Variants in NECAB1 observed in about 807,000 individuals in gnomAD.
NECAB1 encodes the protein N-terminal EF-hand calcium-binding protein 1.
Under a neutral mutation model 57.5 loss-of-function variants are expected in NECAB1, and 29 were observed. The ratio of observed to expected loss-of-function variants is 0.50; its 90% confidence interval spans 0.38 to 0.69. NECAB1 has a LOEUF of 0.69. NECAB1 is among the 30% of genes least tolerant of loss of function. The pLI, the probability that NECAB1 is intolerant of heterozygous loss-of-function variation, is 0.00. For missense variants in NECAB1, 372 were observed against 413.8 expected, an observed-to-expected ratio of 0.90 and a Z score of 0.88; for synonymous variants, 142 against 147.7, an observed-to-expected ratio of 0.96 and a Z score of 0.28.
At chr8:90,872,426 A>G in intron 4 of NECAB1, 1 of 313,130 alleles carries the variant, frequency 3.2e-6, no homozygotes, top group African/African-American at 2.2e-5. Context: ...ATTCTCCACA[A>G]GTTTGAATAT....
chr8:90,818,291 T>G (rs1432738465), intron 2 of NECAB1, among the ~76,000 whole-genome samples: 1 of 151,982 alleles, frequency 6.6e-6, no homozygotes, highest in African/African-American at 2.4e-5. Context: ...TTCATTGATT[T>G]CTGCCCTAAT....
At chr8:90,907,131 TGTGTGTGTGTGTGTGTGTGTGAGA>T (rs1253765312) in intron 5 of NECAB1, among the ~76,000 whole-genome samples, 6 of 92,830 alleles carry the variant, frequency 6.5e-5, no homozygotes, top group African/African-American at 3.3e-4. Flanking sequence ...TTTGTGTGTG[TGTGTGTGTGTGTGTGTGTGTGAGA>T]GAGAGAGAGA....
At chr8:90,949,918 C>A in intron 11 of NECAB1, 34 bp downstream of exon 11, 2 of 1,349,324 alleles carry the variant, frequency 1.5e-6, no homozygotes, top group Admixed American at 1.9e-5. Context: ...TTATGTGAAG[C>A]CAGGAAGGTG....
intron 3 of NECAB1, among the ~76,000 whole-genome samples, chr8:90,853,580 T>G (rs1289820187): frequency 6.6e-6 from 1 of 152,230 alleles, no homozygotes; most frequent in Non-Finnish European, 1.5e-5. Context: ...TATTTATTAG[T>G]GAGCTCCATT....
chr8:90,852,825 G>A (rs568847218), intron 3 of NECAB1, among the ~76,000 whole-genome samples: 72 of 152,202 alleles, frequency 4.7e-4, no homozygotes, highest in African/African-American at 1.3e-3. Context: ...ATAAAATCCC[G>A]TTCATTTACC....
intron 2 of NECAB1, among the ~76,000 whole-genome samples, chr8:90,819,335 T>C (rs1015964615): frequency 1.8e-4 from 28 of 152,136 alleles, no homozygotes; most frequent in African/African-American, 6.5e-4. Context: ...GACTGTGCTT[T>C]TCCTTGCATT....
chr8:90,865,234 T>C (rs1254136399), intron 3 of NECAB1, among the ~76,000 whole-genome samples: 6 of 152,158 alleles, frequency 3.9e-5, no homozygotes. Context: ...GATATGTTTT[T>C]CCAATTCCGT....
intron 3 of NECAB1, among the ~76,000 whole-genome samples, chr8:90,847,292 T>C (rs1245234998): frequency 6.6e-6 from 1 of 152,264 alleles, no homozygotes; most frequent in Non-Finnish European, 1.5e-5. Flanking sequence ...CTCCTTTGAC[T>C]CTGTGTCTCA....
intron 1 of NECAB1, among the ~76,000 whole-genome samples, chr8:90,798,990 G>A (rs1365622417): frequency 6.6e-6 from 1 of 152,030 alleles, no homozygotes; most frequent in Non-Finnish European, 1.5e-5. Flanking sequence ...TCTGATAATA[G>A]CCATTCTGAC....
chr8:90,879,332 G>A (rs1041448545), intron 4 of NECAB1, among the ~76,000 whole-genome samples: 4 of 151,064 alleles, frequency 2.6e-5, no homozygotes, highest in African/African-American at 9.7e-5. Context: ...GGGATCAGAG[G>A]CACATACCAC....
chr8:90,925,740 A>G, intron 7 of NECAB1, 84 bp downstream of exon 7: 1 of 1,533,540 alleles, frequency 6.5e-7, no homozygotes, highest in Non-Finnish European at 8.9e-7. Flanking sequence ...AACAACAGAT[A>G]AGACAATAGT....
chr8:90,896,482 G>A (rs1004574395), intron 5 of NECAB1, among the ~76,000 whole-genome samples: 16 of 152,180 alleles, frequency 1.1e-4, no homozygotes, highest in Admixed American at 9.8e-4. Context: ...GCGGGTGCCT[G>A]TAGTCCCAGC....
At chr8:90,856,206 T>G (rs1220949519) in intron 3 of NECAB1, among the ~76,000 whole-genome samples, 1 of 152,200 alleles carries the variant, frequency 6.6e-6, no homozygotes, top group Non-Finnish European at 1.5e-5. Flanking sequence ...TTAACACATT[T>G]TCAAATTTTT....
chr8:90,826,855 T>A (rs1012063716), intron 3 of NECAB1, among the ~76,000 whole-genome samples: 6 of 151,922 alleles, frequency 3.9e-5, no homozygotes, highest in Admixed American at 1.3e-4. Context: ...AAGAAGTATA[T>A]GTAATGATTT....
chr8:90,802,069 G>A (rs1478883961), intron 2 of NECAB1, among the ~76,000 whole-genome samples: 1 of 152,166 alleles, frequency 6.6e-6, no homozygotes, highest in Non-Finnish European at 1.5e-5. Context: ...TGCATATTAT[G>A]TCCTAGAATT....
chr8:90,803,871 A>G (rs955884816), intron 2 of NECAB1, among the ~76,000 whole-genome samples: 13 of 152,324 alleles, frequency 8.5e-5, no homozygotes, highest in Non-Finnish European at 1.6e-4. Context: ...CGCTTTGCTT[A>G]CATTCCTGCT....
intron 5 of NECAB1, among the ~76,000 whole-genome samples, chr8:90,902,454 T>C (rs1222924063): frequency 6.6e-6 from 1 of 152,112 alleles, no homozygotes; most frequent in Non-Finnish European, 1.5e-5. Context: ...ACTATTAAGT[T>C]ACATACGTAG....
chr8:90,952,351 A>C (rs752321700), intron 12 of NECAB1, among the ~76,000 whole-genome samples: 2 of 152,180 alleles, frequency 1.3e-5, no homozygotes, highest in Non-Finnish European at 2.9e-5. Context: ...TGTAGGTAAG[A>C]ACAAAATATC....
chr8:90,868,615 G>A (rs566694083), intron 3 of NECAB1, among the ~76,000 whole-genome samples: 4 of 152,294 alleles, frequency 2.6e-5, no homozygotes, highest in Admixed American at 6.5e-5. Flanking sequence ...GATATCTGGC[G>A]GAAGAAATTT....
Sources: gnomAD v4.1 joint callset for allele counts (sites outside exome capture counted in the v4.1 genomes callset) on GRCh38, gnomAD v4.1.1 for gene constraint, MANE v1.5 for transcripts, NCBI Gene and HGNC (gene_info 2026-07-23, HGNC 2026-07-21) for gene names.